Variants in COL27A1 observed in about 807,000 individuals in gnomAD.
COL27A1 encodes collagen type XXVII alpha 1 chain, also known as collagen alpha-1(XXVII) chain.
In COL27A1, 106 loss-of-function variants were observed where a neutral mutation model predicts 251.3. The ratio of observed to expected loss-of-function variants is 0.42; its 90% confidence interval spans 0.36 to 0.50. The LOEUF (loss-of-function observed/expected upper bound fraction) is 0.50. Among genes scored for constraint, COL27A1 ranks in the 20% least tolerant of loss-of-function variants. COL27A1 has a pLI of 0.00. For synonymous variants in COL27A1, 1,000 were observed against 986.3 expected, an observed-to-expected ratio of 1.01 and a Z score of -0.26; for missense variants, 2,325 against 2,522.8, an observed-to-expected ratio of 0.92 and a Z score of 1.68.
chr9:114,278,211 G>A (rs563510364), intron 37 of COL27A1, among the ~76,000 whole-genome samples: 2 of 149,850 alleles, frequency 1.3e-5, no homozygotes, highest in East Asian at 2.0e-4. Flanking sequence ...TGGTAATGAC[G>A]ATAATAATGA....
At chr9:114,205,548 T>C (rs1829892835) in intron 8 of COL27A1, among the ~76,000 whole-genome samples, 1 of 152,200 alleles carries the variant, frequency 6.6e-6, no homozygotes, top group Non-Finnish European at 1.5e-5. Flanking sequence ...TTCTTATTCC[T>C]GGGCTGCAAG....
chr9:114,205,245 C>A, intron 8 of COL27A1, 99 bp downstream of exon 8: 1 of 1,158,448 alleles, frequency 8.6e-7, no homozygotes, highest in Non-Finnish European at 1.2e-6. Context: ...GTGAGCCAGC[C>A]CCAGAGCCAG....
intron 40 of COL27A1, among the ~76,000 whole-genome samples, chr9:114,284,086 A>G (rs994854662): frequency 2.6e-5 from 4 of 152,146 alleles, no homozygotes; most frequent in Non-Finnish European, 5.9e-5. Flanking sequence ...CCAGGTTGGC[A>G]CCTTCTTAGA....
intron 4 of COL27A1, among the ~76,000 whole-genome samples, chr9:114,179,948 C>A (rs1827774301): frequency 6.6e-6 from 1 of 150,726 alleles, no homozygotes; most frequent in African/African-American, 2.5e-5. Context: ...AAGGGATTCT[C>A]CTGCCTCAGC....
intron 13 of COL27A1, 36 bp from the exon 14 acceptor site, chr9:114,222,187 G>A (rs1008788105): frequency 6.2e-7 from 1 of 1,606,826 alleles, no homozygotes. Flanking sequence ...GAGGGAGATG[G>A]GACAAGTAAC....
intron 1 of COL27A1, among the ~76,000 whole-genome samples, chr9:114,162,281 T>G (rs1588548998): frequency 6.6e-6 from 1 of 150,840 alleles, no homozygotes; most frequent in Admixed American, 6.6e-5. Context: ...TTGGCTGGGG[T>G]CTGGGGAAGG....
intron 14 of COL27A1, among the ~76,000 whole-genome samples, chr9:114,228,187 G>A (rs534724397): frequency 5.5e-4 from 84 of 152,256 alleles, no homozygotes; most frequent in Non-Finnish European, 8.2e-4. Context: ...GTGACTCCCC[G>A]AGGCCCCACA....
chr9:114,168,517 C>G lies in COL27A1; in HGVS notation c.962C>G (p.Pro321Arg). 1 of 1,613,952 alleles carries G rather than the reference C, an allele frequency of 6.2e-7. No individual in the cohort carries two copies. The highest frequency in any genetic ancestry group is 8.5e-7 in the Non-Finnish European group (1 of 1,179,906). Residue 321 changes from proline (P) to arginine (R), a missense_variant, in exon 3 of 61, where the codon CCG (proline) becomes CGG (arginine). Physicochemically the swap from Pro to Arg is moderately radical, Grantham distance 103. Coordinates refer to ENST00000356083, the MANE Select transcript of COL27A1 (RefSeq NM_032888.4). ...HMAVGGPAQT[P>R]LLPAKLSASN... is the part of the protein sequence containing the mutation. ...GCGGTGGGAGGCCCAGCCCAAACCC[C>G]GCTGCTACCTGCCAAGCTGTCAGCC...
chr9:114,205,244 C>T (rs566194784), intron 8 of COL27A1, 98 bp downstream of exon 8: 869 of 1,153,796 alleles, frequency 7.5e-4, no homozygotes, highest in Non-Finnish European at 1.0e-3. Context: ...TGTGAGCCAG[C>T]CCCAGAGCCA....
intron 3 of COL27A1, among the ~76,000 whole-genome samples, chr9:114,170,370 G>A (rs1030125033): frequency 7.9e-5 from 12 of 152,228 alleles, no homozygotes; most frequent in East Asian, 5.8e-4. Flanking sequence ...CAATTCCTCC[G>A]GGTGGGGAAT....
At chr9:114,195,908 G>A (rs1227156866) in intron 6 of COL27A1, 51 bp from the exon 7 acceptor site, 8 of 1,316,474 alleles carry the variant, frequency 6.1e-6, no homozygotes, top group South Asian at 1.2e-5. Flanking sequence ...GTGTAGCAGA[G>A]TGTCTCTGCT....
At chr9:114,205,554 G>T (rs1232308165) in intron 8 of COL27A1, among the ~76,000 whole-genome samples, 1 of 152,238 alleles carries the variant, frequency 6.6e-6, no homozygotes, top group Non-Finnish European at 1.5e-5. Flanking sequence ...TTCCTGGGCT[G>T]CAAGCAGAGG....
intron 3 of COL27A1, among the ~76,000 whole-genome samples, chr9:114,175,055 G>C (rs909912614): frequency 1.1e-4 from 1 of 9,440 alleles, no homozygotes; most frequent in Non-Finnish European, 1.8e-4. Context: ...GCAGGCAGAG[G>C]CTCTTCCAGC....
At chr9:114,262,308 C>G (rs1019834617) in intron 28 of COL27A1, among the ~76,000 whole-genome samples, 1 of 152,222 alleles carries the variant, frequency 6.6e-6, no homozygotes, top group East Asian at 1.9e-4. Flanking sequence ...GGTCACACAG[C>G]AAACCAGCAA....
rs188988263 is a variant in COL27A1, at chr9:114,254,019, T to A, written c.3141+1087T>A. ...TGCCACCACACCCAGCTAATTTTTG[T>A]ATTTTTAGTAGAGATGGGGTTTTGG... is the stretch of plus-strand genomic sequence containing the variant. On this transcript the variant is annotated intron_variant, in intron 27 of 60. Transcript: ENST00000356083. 4.4e-3 allele frequency among the ~76,000 whole-genome samples: 675 copies of A among 152,190 alleles called. 5 individuals are homozygous for A. The highest frequency in any genetic ancestry group is 0.016 in the African/African-American group (651 of 41,512).
chr9:114,296,673 T>C (rs1333433359), intron 49 of COL27A1, among the ~76,000 whole-genome samples: 1 of 152,228 alleles, frequency 6.6e-6, no homozygotes, highest in Non-Finnish European at 1.5e-5. Flanking sequence ...AGCATATCCC[T>C]ATTGTATAAT....
chr9:114,187,016 C>T (rs979608374), intron 5 of COL27A1, among the ~76,000 whole-genome samples: 1 of 152,238 alleles, frequency 6.6e-6, no homozygotes. Context: ...GCCACCTTGT[C>T]TCTGGTCTGG....
chr9:114,209,720 G>A lies in COL27A1; in HGVS notation c.2314G>A (p.Gly772Arg), dbSNP rs751938943. The A allele has an allele frequency of 6.2e-7, 1 of 1,614,156 alleles. No individual in the cohort carries two copies. Among genetic ancestry groups the A allele is most frequent in the East Asian group, 2.2e-5 (1 of 44,872 alleles). Residue 772 changes from glycine (G) to arginine (R), a missense_variant, in exon 11 of 61, where the codon GGA becomes AGA. Around this residue, in one of 4 missense-constraint regions of COL27A1, gnomAD observed 1,183 missense variants for 1,144.1 expected, o/e 1.03. Transcript: ENST00000356083. ...PGLFGLPGSD[G>R]ERGLPGVPGK... ...GCTCTTCGGCCTGCCAGGGTCTGATGGAGAACGAGTAAGTTTGCTTCTTTG... is the reference window on the plus strand; with the variant it reads ...GCTCTTCGGCCTGCCAGGGTCTGATAGAGAACGAGTAAGTTTGCTTCTTTG...
chr9:114,286,578 T>A (rs1827509041), intron 41 of COL27A1, among the ~76,000 whole-genome samples: 1 of 152,170 alleles, frequency 6.6e-6, no homozygotes, highest in Non-Finnish European at 1.5e-5. Context: ...ACTCTGGGAC[T>A]TGGACAGGGC....
Sources: gnomAD v4.1 joint callset for allele counts (sites outside exome capture counted in the v4.1 genomes callset) on GRCh38, gnomAD v4.1.1 for gene constraint, gnomAD v4.1.1 regional missense constraint, MANE v1.5 for transcripts, NCBI Gene and HGNC (gene_info 2026-07-23, HGNC 2026-07-21) for gene names.